Variants in RPA3 observed in about 807,000 individuals in gnomAD.
RPA3 encodes the protein replication protein A 14 kDa subunit.
A neutral mutation model predicts 13.7 loss-of-function variants in RPA3; 24 were observed. The observed-to-expected ratio is 1.75, with a 90% CI of 1.27 to 2.46. RPA3 has a LOEUF of 2.46. Ranked by LOEUF, RPA3 falls within the 30% of genes most tolerant of loss-of-function variation. The probability of loss-of-function intolerance (pLI) is 0.00; values close to 1 mark genes in which losing one functional copy is unlikely to be tolerated. For synonymous variants in RPA3, 59 were observed against 51.2 expected (o/e 1.15, Z -0.65); for missense variants, 183 against 151.0 (o/e 1.21, Z -1.11).
chr7:7,676,645 G>A (rs899279625), intron 4 of RPA3, among the ~76,000 whole-genome samples: 1 of 152,076 alleles, frequency 6.6e-6, no homozygotes, highest in Non-Finnish European at 1.5e-5. Flanking sequence ...TGTTCATAAA[G>A]TTTGGCTTTT....
chr7:7,641,267 A>G (rs898960251), intron 4 of RPA3, 92 bp from the exon 5 acceptor site: 22 of 152,226 alleles, frequency 1.4e-4, no homozygotes, highest in Admixed American at 1.4e-3. Flanking sequence ...TCACCCCGCT[A>G]ACCCCTCCGT....
chr7:7,708,952 GGAGA>G (rs1027213456), intron 2 of RPA3, among the ~76,000 whole-genome samples: 2 of 151,074 alleles, frequency 1.3e-5, no homozygotes, highest in East Asian at 1.9e-4. Flanking sequence ...AGAGAGAGAG[GGAGA>G]GAGAGAGAAA....
At chr7:7,700,670 C>T (rs937080064) in intron 2 of RPA3, among the ~76,000 whole-genome samples, 16 of 152,102 alleles carry the variant, frequency 1.1e-4, no homozygotes, top group African/African-American at 2.9e-4. Context: ...AGCAGATCAC[C>T]CAAGGTCAGG....
chr7:7,709,781 GTT>G (rs563873791), intron 2 of RPA3, among the ~76,000 whole-genome samples: 21 of 148,628 alleles, frequency 1.4e-4, no homozygotes, highest in Middle Eastern at 3.5e-3. Flanking sequence ...ACCTTTTAAA[GTT>G]TTTTTTTTTA....
chr7:7,674,238 G>A (rs1041355133), intron 4 of RPA3, among the ~76,000 whole-genome samples: 1 of 152,128 alleles, frequency 6.6e-6, no homozygotes, highest in African/African-American at 2.4e-5. Context: ...TCACTCCCTG[G>A]AATGTTTCTC....
chr7:7,640,556 A>G lies in RPA3; in HGVS notation c.-138T>C. ...CCAGCTTCGCCAATTAAATGCGCGG[A>G]AACCTAAATCGCAATCGCGCTGTCT... On this transcript the variant is annotated 5_prime_UTR_variant, in exon 5 of 8. Coordinates refer to ENST00000223129, the MANE Select transcript of RPA3 (RefSeq NM_002947.5). 1.3e-6 allele frequency: 1 copy of G among 761,592 alleles called. No homozygotes were observed. Among genetic ancestry groups the G allele is most frequent in the Non-Finnish European group, 2.2e-6 (1 of 457,120 alleles). 47.2% of individuals were successfully genotyped at this position (761,592 alleles called of 1,614,324 possible). A position where few individuals can be genotyped will look rare whatever the true frequency, so the allele number is the denominator to read the frequency against.
chr7:7,683,437 G>A (rs542548006), intron 4 of RPA3, among the ~76,000 whole-genome samples: 65 of 152,122 alleles, frequency 4.3e-4, no homozygotes, highest in Non-Finnish European at 4.9e-4. Context: ...AATGTGTTGA[G>A]ACACTTTGAA....
chr7:7,665,018 C>T (rs1047808436), intron 4 of RPA3, among the ~76,000 whole-genome samples: 3 of 151,896 alleles, frequency 2.0e-5, no homozygotes, highest in Admixed American at 6.6e-5. Flanking sequence ...TATATATACA[C>T]ACACACACAC....
chr7:7,686,164 A>G (rs755331475), intron 3 of RPA3, among the ~76,000 whole-genome samples, 166 bp from the exon 4 acceptor site: 63 of 152,338 alleles, frequency 4.1e-4, no homozygotes, highest in Non-Finnish European at 6.8e-4. Context: ...AAGGTATGGT[A>G]GAGGAGCAAA....
At chr7:7,665,148 A>G (rs1023763984) in intron 4 of RPA3, among the ~76,000 whole-genome samples, 10 of 152,316 alleles carry the variant, frequency 6.6e-5, no homozygotes, top group African/African-American at 2.4e-4. Flanking sequence ...TTCAAAGGAG[A>G]TAATCAAATT....
At position 7,638,101 on chromosome 7, in the gene RPA3, T is replaced by G. The variant is rs1784895294; in HGVS notation, c.175-129A>C. 1.3e-5 allele frequency: 7 copies of G among 559,208 alleles called. No homozygotes were observed. The Admixed American group carries it at 1.3e-4, about 11-fold the overall frequency. 34.6% of individuals were successfully genotyped at this position (559,208 alleles called of 1,614,324 possible). ...AAAGTAATTTTAAGAATTACCAGTG[T>G]AAAAGTTAAAATGTAACTTGTTAAC... is the stretch of plus-strand genomic sequence containing the variant. On this transcript the variant is annotated intron_variant, in intron 6 of 7. Coordinates refer to ENST00000223129, the MANE Select transcript of RPA3 (RefSeq NM_002947.5).
chr7:7,673,672 C>G (rs1308046250), intron 4 of RPA3, among the ~76,000 whole-genome samples: 1 of 150,888 alleles, frequency 6.6e-6, no homozygotes, highest in Non-Finnish European at 1.5e-5. Context: ...TGGCTGTGTT[C>G]TCCAAGTTAA....
intron 4 of RPA3, chr7:7,676,028 C>T: frequency 2.5e-6 from 1 of 397,646 alleles, no homozygotes; most frequent in Non-Finnish European, 4.4e-6. Context: ...TATCAGTCAG[C>T]ATCATGTCTC....
At chr7:7,709,773 C>G (rs1021821271) in intron 2 of RPA3, among the ~76,000 whole-genome samples, 13 of 149,194 alleles carry the variant, frequency 8.7e-5, no homozygotes, top group Non-Finnish European at 1.8e-4. Context: ...GAAAAATAAC[C>G]TTTTAAAGTT....
chr7:7,653,255 A>T (rs554738376), intron 4 of RPA3, among the ~76,000 whole-genome samples: 43 of 152,338 alleles, frequency 2.8e-4, no homozygotes, highest in African/African-American at 8.9e-4. Context: ...TTATGCAGTT[A>T]TATTTGTAAC....
chr7:7,644,649 C>G (rs998473684), intron 4 of RPA3, among the ~76,000 whole-genome samples: 2 of 152,154 alleles, frequency 1.3e-5, no homozygotes, highest in Non-Finnish European at 2.9e-5. Flanking sequence ...GCCACCTTCA[C>G]TTGTCACCTT....
rs964455457 is a variant in RPA3, at chr7:7,715,178, A to C, written c.-1031T>G. ...CAGTTAAAGAAAATAAACTTACCTG[A>C]AACTATTGTATTCCCTGTGCATTGT... On this transcript the variant is annotated 5_prime_UTR_variant, in exon 2 of 8. Transcript: ENST00000223129. 37 of 152,204 alleles carry C rather than the reference A, an allele frequency of 2.4e-4. No homozygotes were observed. The highest frequency in any genetic ancestry group is 8.9e-4 in the African/African-American group (37 of 41,456). 9.4% of individuals were successfully genotyped at this position (152,204 alleles called of 1,614,324 possible).
intron 3 of RPA3, among the ~76,000 whole-genome samples, chr7:7,686,562 A>G (rs1034239465): frequency 2.0e-5 from 3 of 152,230 alleles, no homozygotes; most frequent in Non-Finnish European, 4.4e-5. Flanking sequence ...GCATGCACGT[A>G]TACTCATACG....
At chr7:7,678,283 C>T (rs1399871297) in intron 4 of RPA3, among the ~76,000 whole-genome samples, 1 of 151,346 alleles carries the variant, frequency 6.6e-6, no homozygotes, top group African/African-American at 2.4e-5. Context: ...GCCATTTTAA[C>T]TGGGTTGAGA....
Sources: gnomAD v4.1 joint callset for allele counts (sites outside exome capture counted in the v4.1 genomes callset) on GRCh38, gnomAD v4.1.1 for gene constraint, MANE v1.5 for transcripts, NCBI Gene and HGNC (gene_info 2026-07-23, HGNC 2026-07-21) for gene names.